PAPSS2: variants seen among roughly 807,000 people sequenced by gnomAD.
The protein encoded by PAPSS2 is bifunctional 3'-phosphoadenosine 5'-phosphosulfate synthase 2.
In PAPSS2, 61 loss-of-function variants were observed where a neutral mutation model predicts 66.5. The ratio of observed to expected loss-of-function variants is 0.92; its 90% CI spans 0.75 to 1.14. The LOEUF (loss-of-function observed/expected upper bound fraction) is 1.14, where lower values mean the gene tolerates loss of function less well. PAPSS2 is among the 50% of genes most tolerant of loss of function. PAPSS2 has a pLI of 0.00. For missense variants in PAPSS2, 708 were observed against 789.6 expected (o/e 0.90, Z 1.24); for synonymous variants, 289 against 287.5 (o/e 1.01, Z -0.05).
chr10:87,720,621 C>A (rs932193606), intron 7 of PAPSS2, among the ~76,000 whole-genome samples: 7 of 152,088 alleles, frequency 4.6e-5, no homozygotes, highest in African/African-American at 7.2e-5. Context: ...AATCTGAAAG[C>A]AACATTGTTT....
At chr10:87,743,889 G>A (rs1360329740) in intron 11 of PAPSS2, among the ~76,000 whole-genome samples, 1 of 152,160 alleles carries the variant, frequency 6.6e-6, no homozygotes, top group African/African-American at 2.4e-5. Context: ...CAGATCACAA[G>A]GTCAGGAGTT....
chr10:87,709,004 A>C (rs1853429806), intron 1 of PAPSS2, among the ~76,000 whole-genome samples, 192 bp from the exon 2 acceptor site: 5 of 152,216 alleles, frequency 3.3e-5, no homozygotes, highest in Admixed American at 3.3e-4. Context: ...CTAATGGCTC[A>C]GGGTAATCTG....
At chr10:87,689,404 C>A (rs1163315222) in intron 1 of PAPSS2, among the ~76,000 whole-genome samples, 3 of 151,128 alleles carry the variant, frequency 2.0e-5, no homozygotes, top group Non-Finnish European at 4.4e-5. Context: ...GGCGCAGTGG[C>A]CCAGGCCTGT....
rs978140029 is a variant in PAPSS2 at position 87,747,295 on chromosome 10, G to A, written c.*1325G>A. On this transcript the variant is annotated 3_prime_UTR_variant, in exon 13 of 13. Coordinates refer to ENST00000456849, the MANE Select transcript of PAPSS2 (RefSeq NM_001015880.2). ...TTTATGCATAATTCATTGTTGCCAAGGAATAAAGTGAAGAAACAGCACCTT... is the reference window on the plus strand; with the variant it reads ...TTTATGCATAATTCATTGTTGCCAAAGAATAAAGTGAAGAAACAGCACCTT... 13 of 152,124 alleles carry A rather than the reference G, an allele frequency of 8.5e-5. No individual in the cohort carries two copies. The highest frequency in any genetic ancestry group is 1.8e-4 in the Non-Finnish European group (12 of 68,040). The allele number at this position is 152,124 out of a possible 1,614,324, so 9.4% of individuals were successfully genotyped here. A position where few individuals can be genotyped will look rare whatever the true frequency, so the allele number is the denominator to read the frequency against.
At chr10:87,718,457 G>A (rs1264005262) in intron 7 of PAPSS2, among the ~76,000 whole-genome samples, 1 of 152,208 alleles carries the variant, frequency 6.6e-6, no homozygotes, top group Non-Finnish European at 1.5e-5. Flanking sequence ...CTGGGGATAT[G>A]AATGAGGTTA....
chr10:87,700,978 G>A (rs1853296785), intron 1 of PAPSS2, among the ~76,000 whole-genome samples: 2 of 151,754 alleles, frequency 1.3e-5, no homozygotes, highest in South Asian at 4.1e-4. Flanking sequence ...CTAGAAGTTT[G>A]AAGAGTATTT....
chr10:87,734,664 T>TACACAC (rs1491387191), intron 9 of PAPSS2, among the ~76,000 whole-genome samples: 4 of 23,672 alleles, frequency 1.7e-4, no homozygotes, highest in Non-Finnish European at 4.0e-4. Context: ...AATGTGTGTG[T>TACACAC]ATATATATAT....
At chr10:87,716,456 G>A (rs542399128) in intron 7 of PAPSS2, among the ~76,000 whole-genome samples, 4 of 152,264 alleles carry the variant, frequency 2.6e-5, no homozygotes, top group South Asian at 2.1e-4. Context: ...GAAGACTTCC[G>A]GACCCTTCTG....
chr10:87,660,060 A>AC (rs1852729352), intron 1 of PAPSS2, 52 bp downstream of exon 1: 2 of 1,562,366 alleles, frequency 1.3e-6, no homozygotes, highest in South Asian at 1.1e-5. Flanking sequence ...GCACGCGCCG[A>AC]CCCCCAACCC....
At chr10:87,716,059 A>T (rs924389082) in intron 7 of PAPSS2, among the ~76,000 whole-genome samples, 2 of 152,160 alleles carry the variant, frequency 1.3e-5, no homozygotes, top group Admixed American at 6.5e-5. Context: ...AAACTAAGGA[A>T]CTGAAAAATG....
intron 1 of PAPSS2, among the ~76,000 whole-genome samples, chr10:87,661,770 T>G (rs1852755833): frequency 6.6e-6 from 1 of 152,224 alleles, no homozygotes; most frequent in Non-Finnish European, 1.5e-5. Flanking sequence ...TTCTATTTTT[T>G]GTTAGGTGGG....
chr10:87,690,819 G>A (rs1490676337), intron 1 of PAPSS2, among the ~76,000 whole-genome samples: 1 of 152,078 alleles, frequency 6.6e-6, no homozygotes, highest in Non-Finnish European at 1.5e-5. Flanking sequence ...GTTCAGTAAG[G>A]CTGCAGCTGT....
intron 8 of PAPSS2, among the ~76,000 whole-genome samples, chr10:87,726,867 A>G (rs549004212): frequency 1.4e-4 from 21 of 152,328 alleles, no homozygotes; most frequent in Admixed American, 1.4e-3. Context: ...CGTTCTTACA[A>G]GTTTCATTTC....
intron 8 of PAPSS2, among the ~76,000 whole-genome samples, chr10:87,725,904 C>CACACACACAT: frequency 6.6e-6 from 1 of 151,808 alleles, no homozygotes; most frequent in Non-Finnish European, 1.5e-5. Flanking sequence ...CACACACACA[C>CACACACACAT]ACACACACAC....
intron 2 of PAPSS2, among the ~76,000 whole-genome samples, chr10:87,710,421 T>C (rs934114680): frequency 6.6e-6 from 1 of 152,160 alleles, no homozygotes; most frequent in Non-Finnish European, 1.5e-5. Flanking sequence ...ACTCCTGAAA[T>C]GTTTACCTCA....
intron 9 of PAPSS2, among the ~76,000 whole-genome samples, chr10:87,739,072 A>C (rs1405054832): frequency 6.6e-6 from 1 of 152,176 alleles, no homozygotes; most frequent in African/African-American, 2.4e-5. Context: ...ATGTCTAATA[A>C]ATCATTTCCA....
At chr10:87,717,615 T>G (rs1853547130) in intron 7 of PAPSS2, among the ~76,000 whole-genome samples, 1 of 152,154 alleles carries the variant, frequency 6.6e-6, no homozygotes, top group Non-Finnish European at 1.5e-5. Context: ...CAGGCTAGAG[T>G]GCAGTGGCAT....
At chr10:87,673,783 C>T (rs544075448) in intron 1 of PAPSS2, among the ~76,000 whole-genome samples, 1 of 145,124 alleles carries the variant, frequency 6.9e-6, no homozygotes, top group African/African-American at 2.5e-5. Context: ...TTCTTGTCCA[C>T]TTCTGATTCA....
At chr10:87,738,582 A>G (rs1853829491) in intron 9 of PAPSS2, among the ~76,000 whole-genome samples, 1 of 151,994 alleles carries the variant, frequency 6.6e-6, no homozygotes, top group East Asian at 1.9e-4. Flanking sequence ...ATTAATTTTT[A>G]TATTTTATGA....
Sources: allele counts gnomAD v4.1 joint callset (sites outside exome capture counted in the v4.1 genomes callset), GRCh38; gene constraint gnomAD v4.1.1; transcripts MANE v1.5; gene names NCBI Gene and HGNC (gene_info 2026-07-23, HGNC 2026-07-21).